Variants in CSMD2 observed in about 807,000 individuals in gnomAD.
The protein encoded by CSMD2 is CUB and sushi domain-containing protein 2.
In CSMD2, 130 loss-of-function variants were observed where a neutral mutation model predicts 398.5. That is an observed-to-expected ratio of 0.33 (90% CI 0.28 to 0.38). The LOEUF is 0.38. Among genes scored for constraint, CSMD2 ranks in the 10% least tolerant of loss-of-function variants. The pLI is 1.00. For synonymous variants in CSMD2, 1,828 were observed against 1,908.5 expected, an observed-to-expected ratio of 0.96 and a Z score of 1.10; for missense variants, 3,829 against 4,764.9, an observed-to-expected ratio of 0.80 and a Z score of 5.78.
At chr1:33,794,138 C>T (rs569208549) in intron 10 of CSMD2, among the ~76,000 whole-genome samples, 89 of 152,334 alleles carry the variant, frequency 5.8e-4, no homozygotes, top group Non-Finnish European at 1.1e-3. Context: ...GCACCCACAT[C>T]CTGCCAGGGA....
intron 26 of CSMD2, 117 bp from the exon 27 acceptor site, chr1:33,658,254 A>C: frequency 1.3e-6 from 1 of 768,360 alleles, no homozygotes; most frequent in Non-Finnish European, 2.1e-6. Flanking sequence ...AACCACCAGA[A>C]CCTCCCCATC....
intron 3 of CSMD2, among the ~76,000 whole-genome samples, chr1:33,940,552 C>T (rs1644634255): frequency 6.6e-6 from 1 of 151,844 alleles, no homozygotes; most frequent in South Asian, 2.1e-4. Flanking sequence ...CCTCATTTTA[C>T]AGGTGAAAAA....
intron 1 of CSMD2, among the ~76,000 whole-genome samples, chr1:34,093,561 A>G (rs887231420): frequency 1.3e-5 from 2 of 151,910 alleles, no homozygotes; most frequent in African/African-American, 4.8e-5. Flanking sequence ...AGAAGTGCTT[A>G]AAGGAGCTGA....
chr1:33,842,103 C>T (rs1222264717), intron 6 of CSMD2, among the ~76,000 whole-genome samples: 3 of 152,118 alleles, frequency 2.0e-5, no homozygotes, highest in Non-Finnish European at 4.4e-5. Flanking sequence ...GTTTCTGCCC[C>T]AGACCATCTT....
At chr1:33,681,921 G>A (rs1451669116) in intron 25 of CSMD2, among the ~76,000 whole-genome samples, 1 of 152,140 alleles carries the variant, frequency 6.6e-6, no homozygotes, top group African/African-American at 2.4e-5. Context: ...AGCTGAAATC[G>A]CACCACTGCA....
At chr1:33,890,885 A>G (rs1297044527) in intron 5 of CSMD2, among the ~76,000 whole-genome samples, 3 of 152,204 alleles carry the variant, frequency 2.0e-5, no homozygotes, top group Non-Finnish European at 4.4e-5. Flanking sequence ...CACCTTATAC[A>G]AAAATTAATT....
rs1647161192 is a variant in CSMD2, at chr1:33,743,622, A to C, written c.1847-16T>G. 3 of 1,553,294 alleles carry C rather than the reference A, an allele frequency of 1.9e-6. No individual in the cohort carries two copies. The African/African-American group carries it at 4.1e-5, about 21-fold the overall frequency. On this transcript the variant is annotated splice_polypyrimidine_tract_variant and intron_variant, in intron 13 of 70. Transcript: ENST00000373381. ...AAGCAGGAGACTGCAAGAGAAGAGC[A>C]GTGGAGGTCAGTAAGCATCCCCAAC...
intron 25 of CSMD2, among the ~76,000 whole-genome samples, chr1:33,685,428 T>C (rs942414036): frequency 1.3e-5 from 2 of 152,244 alleles, no homozygotes; most frequent in African/African-American, 4.8e-5. Context: ...TATACCCCCG[T>C]GCCTGGCAGA....
intron 10 of CSMD2, among the ~76,000 whole-genome samples, chr1:33,796,496 C>T (rs977589111): frequency 6.6e-6 from 1 of 152,128 alleles, no homozygotes; most frequent in African/African-American, 2.4e-5. Flanking sequence ...TATCAGTTCC[C>T]AAAATTAATA....
At chr1:34,063,131 C>T (rs1403954907) in intron 2 of CSMD2, among the ~76,000 whole-genome samples, 1 of 152,168 alleles carries the variant, frequency 6.6e-6, no homozygotes, top group Non-Finnish European at 1.5e-5. Flanking sequence ...ATCCTTCCCA[C>T]AGCATGTAGG....
chr1:33,809,141 C>T (rs2124954840), intron 10 of CSMD2, among the ~76,000 whole-genome samples: 1 of 151,970 alleles, frequency 6.6e-6, no homozygotes, highest in East Asian at 1.9e-4. Flanking sequence ...CTAATAACCC[C>T]AAAGGATAGA....
At chr1:33,523,942 AAC>A (rs1654544129) in intron 66 of CSMD2, among the ~76,000 whole-genome samples, 1 of 152,236 alleles carries the variant, frequency 6.6e-6, no homozygotes, top group Admixed American at 6.5e-5. Flanking sequence ...CTATTCAACA[AAC>A]ACTTATTTTC....
At chr1:33,901,206 G>A (rs546824028) in intron 5 of CSMD2, among the ~76,000 whole-genome samples, 1 of 152,350 alleles carries the variant, frequency 6.6e-6, no homozygotes, top group South Asian at 2.1e-4. Flanking sequence ...ATATTTGCCT[G>A]TTTATTTATC....
intron 58 of CSMD2, 98 bp from the exon 59 acceptor site, chr1:33,541,407 A>G: frequency 2.3e-6 from 2 of 886,296 alleles, no homozygotes; most frequent in Non-Finnish European, 3.6e-6. Context: ...CCAAGAAGGG[A>G]AACTGTCAGA....
At chr1:33,793,222 C>T (rs991787883) in intron 10 of CSMD2, among the ~76,000 whole-genome samples, 1 of 152,126 alleles carries the variant, frequency 6.6e-6, no homozygotes, top group Non-Finnish European at 1.5e-5. Flanking sequence ...GAGCCTATGG[C>T]TCACCCAGCT....
chr1:33,774,147 G>A (rs985924224), intron 12 of CSMD2, among the ~76,000 whole-genome samples: 17 of 144,238 alleles, frequency 1.2e-4, no homozygotes, highest in Non-Finnish European at 2.6e-4. Context: ...GTGTGTGTGT[G>A]TGATCATCTA....
chr1:33,697,531 G>C (rs1645460386), intron 24 of CSMD2, among the ~76,000 whole-genome samples: 1 of 152,164 alleles, frequency 6.6e-6, no homozygotes, highest in South Asian at 2.1e-4. Context: ...GTCGTCTAGG[G>C]GAAAAGCATC....
chr1:34,109,902 G>T (rs7548253), intron 1 of CSMD2, among the ~76,000 whole-genome samples: 1 of 151,368 alleles, frequency 6.6e-6, no homozygotes, highest in African/African-American at 2.4e-5. Flanking sequence ...TTAGCCGGGC[G>T]TGGTGGTGTG....
Position 33,725,403 on chromosome 1 carries a change from G to A in CSMD2, c.2641C>T (p.Leu881Phe). Residue 881 changes from leucine to phenylalanine, a missense_variant, in exon 17 of 71, where the codon CTC becomes TTC. Leu to Phe is a conservative substitution (Grantham distance 22). Around this residue, in one of 5 missense-constraint regions of CSMD2, gnomAD observed 2,001 missense variants for 2,567.1 expected, o/e 0.78. Coordinates refer to ENST00000373381, the MANE Select transcript of CSMD2 (RefSeq NM_001281956.2). Reference protein sequence around the residue: ...LISTSNYLYLLFSTDKSHSDI... With the variant: ...LISTSNYLYLFFSTDKSHSDI... ...GAGTGACTCTTGTCGGTAGAGAAGA[G>A]GAGGTAGAGGTAGTTGCTGGTGCTG... The A allele has an allele frequency of 6.2e-7, 1 of 1,614,178 alleles. No homozygotes were observed. Among genetic ancestry groups the A allele is most frequent in the Non-Finnish European group, 8.5e-7 (1 of 1,180,018 alleles).
Sources: gnomAD v4.1 joint callset for allele counts (sites outside exome capture counted in the v4.1 genomes callset) on GRCh38, gnomAD v4.1.1 for gene constraint, gnomAD v4.1.1 regional missense constraint, MANE v1.5 for transcripts, NCBI Gene and HGNC (gene_info 2026-07-23, HGNC 2026-07-21) for gene names.